BIRC6: variants seen among roughly 807,000 people sequenced by gnomAD.
BIRC6 encodes dual E2 ubiquitin-conjugating enzyme/E3 ubiquitin-protein ligase BIRC6.
In BIRC6, 98 loss-of-function variants were observed where a neutral mutation model predicts 503.3. The ratio of observed to expected loss-of-function variants is 0.19; its 90% CI spans 0.17 to 0.23. BIRC6 has a LOEUF of 0.23. BIRC6 is among the 10% of genes least tolerant of loss of function. BIRC6 has a pLI of 1.00. For synonymous variants in BIRC6, 2,240 were observed against 2,078.7 expected, an observed-to-expected ratio of 1.08 and a Z score of -2.11; for missense variants, 5,360 against 5,806.0, an observed-to-expected ratio of 0.92 and a Z score of 2.50.
chr2:32,391,355 A>T (rs753411395), intron 4 of BIRC6, among the ~76,000 whole-genome samples: 1 of 152,172 alleles, frequency 6.6e-6, no homozygotes, highest in Admixed American at 6.5e-5. Context: ...GTTAGGGTCT[A>T]TTGGATGCTA....
At chr2:32,389,111 T>A (rs1044805157) in intron 4 of BIRC6, among the ~76,000 whole-genome samples, 168 bp downstream of exon 4, 4 of 152,216 alleles carry the variant, frequency 2.6e-5, no homozygotes, top group Non-Finnish European at 4.4e-5. Flanking sequence ...AAAACCAGAT[T>A]TAAAGTAAAC....
In BIRC6 at chr2:32,543,453, G is replaced by T. The variant is rs758874240; in HGVS notation, c.12504G>T (p.Pro4168=). The change falls in exon 62 of 74, where the codon CCG becomes CCT. Residue 4168 remains proline (P), a synonymous_variant. Coordinates refer to ENST00000421745, the MANE Select transcript of BIRC6 (RefSeq NM_016252.4). ...LAAFGLFLRL[P]GYAEVLLKER... is the part of the protein sequence containing the mutation. ...CTTTTGGATTATTTCTTCGTCTTCC[G>T]GGCTATGCGGAAGTGCTACTGAAAG... 6.2e-7 allele frequency: 1 copy of T among 1,613,962 alleles called. No homozygotes were observed. Among genetic ancestry groups the T allele is most frequent in the Non-Finnish European group, 8.5e-7 (1 of 1,179,892 alleles).
chr2:32,597,842 T>C lies in BIRC6; in HGVS notation c.13704T>C (p.Asp4568=). The change falls in exon 69 of 74, where the codon GAT becomes GAC. Residue 4568 remains aspartate, a synonymous_variant. Transcript: ENST00000421745. ...HYMSQVKNAN[D]ANSAARARRL... ...TGTCTCAGGTGAAAAATGCTAATGA[T>C]GCGAACAGTGCTGCCAGAGCTCGCC... is the stretch of plus-strand genomic sequence containing the variant. The C allele has an allele frequency of 6.2e-7, 1 of 1,613,882 alleles. No homozygotes were observed. Among genetic ancestry groups the C allele is most frequent in the Non-Finnish European group, 8.5e-7 (1 of 1,179,788 alleles).
rs541273908 is a variant in BIRC6 at position 32,618,138 on chromosome 2, A to G, written c.*234A>G. ...GAACCACTGATTGGTATGTTCAACA[A>G]ATTTGTGTATACAAAGAAATGGATA... On this transcript the variant is annotated 3_prime_UTR_variant, in exon 74 of 74. Transcript: ENST00000421745. The G allele has an allele frequency of 2.8e-6, 1 of 362,110 alleles. No homozygotes were observed. The highest frequency in any genetic ancestry group is 2.0e-5 in the African/African-American group (1 of 49,516). 22.4% of individuals were successfully genotyped at this position (362,110 alleles called of 1,614,324 possible). A position where few individuals can be genotyped will look rare whatever the true frequency, so the allele number is the denominator to read the frequency against.
At chr2:32,379,322 A>C (rs1333407198) in intron 2 of BIRC6, 2 of 152,226 alleles carry the variant, frequency 1.3e-5, no homozygotes, top group East Asian at 3.8e-4. Flanking sequence ...AAACCAGCTG[A>C]TATCAGGATA....
At chr2:32,598,136 C>G (rs549747970) in intron 69 of BIRC6, among the ~76,000 whole-genome samples, 168 bp downstream of exon 69, 51 of 150,962 alleles carry the variant, frequency 3.4e-4, no homozygotes, top group South Asian at 4.2e-4. Flanking sequence ...ACCCCTCCCC[C>G]CCTTTTTTTT....
At chr2:32,446,905 C>T (rs938652486) in intron 21 of BIRC6, among the ~76,000 whole-genome samples, 3 of 124,234 alleles carry the variant, frequency 2.4e-5, no homozygotes, top group South Asian at 3.2e-4. Context: ...TGCGGCCTTC[C>T]GCAGTGTTTG....
chr2:32,587,464 G>A (rs2061116690), intron 66 of BIRC6, among the ~76,000 whole-genome samples: 1 of 152,216 alleles, frequency 6.6e-6, no homozygotes, highest in Non-Finnish European at 1.5e-5. Flanking sequence ...TGGGCTAAGT[G>A]TGGCGGTTCA....
chr2:32,586,423 CTTTTTTT>C (rs972959083), intron 66 of BIRC6, among the ~76,000 whole-genome samples: 2 of 70,978 alleles, frequency 2.8e-5, no homozygotes, highest in Admixed American at 1.7e-4. Context: ...TCAAGCAGTC[CTTTTTTT>C]TTTTTTTTTT....
rs761836823 is a variant in BIRC6 at position 32,490,026 on chromosome 2, C to T, written c.8096-15C>T. 1.3e-6 allele frequency: 2 copies of T among 1,531,778 alleles called. No homozygotes were observed. Among genetic ancestry groups the T allele is most frequent in the African/African-American group, 1.4e-5 (1 of 73,134 alleles). The allele number at this position is 1,531,778 out of a possible 1,614,324, so 94.9% of individuals were successfully genotyped here. On this transcript the variant is annotated splice_polypyrimidine_tract_variant and intron_variant, in intron 42 of 73. Transcript: ENST00000421745. ...TTTTTCTGAAAAATATTTTCCCTTTCTCTTTTCTGCATAGCATCAATAACT... is the reference window on the plus strand; with the variant it reads ...TTTTTCTGAAAAATATTTTCCCTTTTTCTTTTCTGCATAGCATCAATAACT...
At chr2:32,467,834 T>A (rs2048720644) in intron 27 of BIRC6, 69 bp from the exon 28 acceptor site, 2 of 1,449,488 alleles carry the variant, frequency 1.4e-6, no homozygotes, top group South Asian at 1.3e-5. Context: ...ACTATCTTTT[T>A]AAATACATTG....
intron 6 of BIRC6, among the ~76,000 whole-genome samples, chr2:32,399,145 G>T (rs983360711): frequency 1.3e-5 from 2 of 152,060 alleles, no homozygotes; most frequent in African/African-American, 4.8e-5. Context: ...GAGTGCAGTG[G>T]CGCGATCTTG....
intron 59 of BIRC6, chr2:32,527,134 C>G (rs2056338147): frequency 6.6e-6 from 1 of 152,216 alleles, no homozygotes; most frequent in East Asian, 1.9e-4. Context: ...TAGGCAAAAC[C>G]TTTCACACTT....
chr2:32,581,331 A>T (rs534472016), intron 66 of BIRC6, among the ~76,000 whole-genome samples: 1 of 152,200 alleles, frequency 6.6e-6, no homozygotes, highest in Non-Finnish European at 1.5e-5. Flanking sequence ...AGATATTATT[A>T]ATTTTATTAA....
In BIRC6 at chr2:32,502,830, A is replaced by G. The variant is rs1479475353; in HGVS notation, c.9243A>G (p.Leu3081=). The change falls in exon 48 of 74, where the codon TTA becomes TTG. Residue 3081 remains leucine, a synonymous_variant. Coordinates refer to ENST00000421745, the MANE Select transcript of BIRC6 (RefSeq NM_016252.4). ...SLATCQLSEP[L]LWFILRVLDT... ...CTACTTGCCAGTTATCTGAGCCATT[A>G]TTGTGGTTCATTTTGAGAGTATTGG... 2 of 1,612,934 alleles carry G rather than the reference A, an allele frequency of 1.2e-6. No individual in the cohort carries two copies. Among genetic ancestry groups the G allele is most frequent in the African/African-American group, 2.7e-5 (2 of 74,994 alleles).
At chr2:32,616,722 A>C (rs1187542461) in intron 73 of BIRC6, among the ~76,000 whole-genome samples, 1 of 152,170 alleles carries the variant, frequency 6.6e-6, no homozygotes, top group South Asian at 2.1e-4. Flanking sequence ...CAGTGGATTT[A>C]TTTTAATTTA....
intron 65 of BIRC6, chr2:32,565,152 G>A (rs1024916050): frequency 3.3e-5 from 5 of 152,096 alleles, no homozygotes; most frequent in East Asian, 1.9e-4. Flanking sequence ...GAAAAATTGA[G>A]TTCTCATAAA....
chr2:32,360,717 G>C (rs116727307), intron 1 of BIRC6, among the ~76,000 whole-genome samples: 4,632 of 152,174 alleles, frequency 0.03, 141 homozygotes, highest in African/African-American at 0.082. Flanking sequence ...AATCTGGCAG[G>C]TTAGTATTTT....
At chr2:32,364,942 A>T (rs954532746) in intron 1 of BIRC6, among the ~76,000 whole-genome samples, 19 of 152,174 alleles carry the variant, frequency 1.2e-4, no homozygotes, top group Admixed American at 3.3e-4. Flanking sequence ...ATTCCTGGCT[A>T]ACTTCGGTAC....
Sources: gnomAD v4.1 joint callset for allele counts (sites outside exome capture counted in the v4.1 genomes callset) on GRCh38, gnomAD v4.1.1 for gene constraint, MANE v1.5 for transcripts, NCBI Gene and HGNC (gene_info 2026-07-23, HGNC 2026-07-21) for gene names.